Variants in ENTPD5 observed in about 807,000 individuals in gnomAD.
ENTPD5 encodes the protein nucleoside diphosphate phosphatase ENTPD5.
In ENTPD5, 49 loss-of-function variants were observed where a neutral mutation model predicts 60.2. The observed-to-expected ratio is 0.81, with a 90% confidence interval of 0.65 to 1.03. The LOEUF (loss-of-function observed/expected upper bound fraction) is 1.03, where lower values mean the gene tolerates loss of function less well. Among genes scored for constraint, ENTPD5 ranks in the 50% least tolerant of loss-of-function variants. The pLI, the probability that ENTPD5 is intolerant of heterozygous loss-of-function variation, is 0.00. For synonymous variants in ENTPD5, 187 were observed against 185.4 expected, an observed-to-expected ratio of 1.01 and a Z score of -0.07; for missense variants, 480 against 507.6, an observed-to-expected ratio of 0.95 and a Z score of 0.52.
intron 5 of ENTPD5, among the ~76,000 whole-genome samples, chr14:73,983,623 CAAAAA>C (rs368194848): frequency 1.9e-5 from 2 of 104,452 alleles, no homozygotes; most frequent in Non-Finnish European, 2.1e-5. Flanking sequence ...CACTCCATCT[CAAAAA>C]AAAAAAAAAA....
chr14:73,970,972 GA>G (rs2057198575), intron 14 of ENTPD5, among the ~76,000 whole-genome samples: 2 of 151,514 alleles, frequency 1.3e-5, no homozygotes, highest in South Asian at 4.2e-4. Flanking sequence ...ACTACAGGTC[GA>G]ACCACTGTGC....
At chr14:73,999,492 C>A (rs1474982964) in intron 3 of ENTPD5, among the ~76,000 whole-genome samples, 2 of 147,860 alleles carry the variant, frequency 1.4e-5, no homozygotes, top group East Asian at 2.0e-4. Flanking sequence ...TGCCCCCCAC[C>A]CCCCCAAAAA....
intron 6 of ENTPD5, among the ~76,000 whole-genome samples, chr14:73,980,062 T>A (rs1316877961): frequency 1.3e-5 from 2 of 150,918 alleles, no homozygotes; most frequent in Non-Finnish European, 2.9e-5. Flanking sequence ...TTCTCCTGCC[T>A]CAGCCTCCCC....
At chr14:73,958,263 C>G, downstream of ENTPD5, 4 of 1,614,030 alleles carry the variant, frequency 2.5e-6, no homozygotes, top group Non-Finnish European at 3.4e-6. Flanking sequence ...CAGCACCTTC[C>G]AGACCAAATT....
Position 73,988,022 on chromosome 14 carries a change from C to G in ENTPD5, c.81G>C (p.Gln27His). ...VCSAVSHRNQ[Q>H]TWFEGIFLSS... ...ACAGGAAGATACCCTCAAACCAAGT[C>G]TGCTGGTTCCTGTGGGAGACAGCGC... Residue 27 changes from glutamine (Q) to histidine (H), a missense_variant, in exon 4 of 16, where the codon CAG (glutamine) becomes CAC (histidine). By Grantham distance (24) the Gln-to-His change is conservative. Coordinates refer to ENST00000334696, the MANE Select transcript of ENTPD5 (RefSeq NM_001249.5). The G allele has an allele frequency of 6.2e-7, 1 of 1,614,152 alleles. No homozygotes were observed. The highest frequency in any genetic ancestry group is 8.5e-7 in the Non-Finnish European group (1 of 1,180,034).
At chr14:74,009,491 A>G in intron 3 of ENTPD5, among the ~76,000 whole-genome samples, 1 of 152,254 alleles carries the variant, frequency 6.6e-6, no homozygotes, top group East Asian at 1.9e-4. Context: ...TAAAAATATT[A>G]CAATGATAGT....
downstream of ENTPD5, chr14:73,958,166 C>G (rs183909165): frequency 1.2e-6 from 2 of 1,614,044 alleles, no homozygotes; most frequent in Non-Finnish European, 1.7e-6. Context: ...CGGTTCTCTA[C>G]AGGAGCAAAG....
At chr14:73,975,894 C>A in intron 10 of ENTPD5, 42 bp downstream of exon 10, 1 of 1,455,724 alleles carries the variant, frequency 6.9e-7, no homozygotes, top group South Asian at 1.2e-5. Context: ...TTAGGAGAAT[C>A]ATACAACATG....
chr14:73,973,957 C>T lies in ENTPD5; in HGVS notation c.806G>A (p.Arg269Gln), dbSNP rs765491001. Residue 269 changes from arginine to glutamine, a missense_variant, in exon 12 of 16, where the codon CGG becomes CAG. Coordinates refer to ENST00000334696, the MANE Select transcript of ENTPD5 (RefSeq NM_001249.5). ...CAACCATCTCGGTAAACAGGCACTC[C>T]GGAAAGTGTGCCCATCAGTCCCTGA... ...ETEGTDGHTF[R>Q]SACLPRWLEA... is the part of the protein sequence containing the mutation. 5.0e-6 allele frequency: 8 copies of T among 1,613,964 alleles called. No homozygotes were observed. The highest frequency in any genetic ancestry group is 2.2e-5 in the East Asian group (1 of 44,882).
downstream of ENTPD5, chr14:73,962,816 C>T: frequency 1.5e-6 from 1 of 660,840 alleles, no homozygotes; most frequent in South Asian, 1.9e-5. Context: ...GACCCTGTCT[C>T]TAAAACGTGT....
intron 1 of ENTPD5, among the ~76,000 whole-genome samples, chr14:74,017,422 A>G (rs2059055443): frequency 6.7e-6 from 1 of 148,160 alleles, no homozygotes; most frequent in Non-Finnish European, 1.5e-5. Context: ...TCTACTAAAA[A>G]TACAAAATTA....
chr14:73,959,974 G>A (rs2056636341), downstream of ENTPD5: 14 of 1,043,976 alleles, frequency 1.3e-5, no homozygotes, highest in South Asian at 2.1e-4. Context: ...GTGTACACAC[G>A]GAAATGCAAA....
chr14:73,975,804 TTGATAG>T, intron 10 of ENTPD5, 126 bp downstream of exon 10: 2 of 684,622 alleles, frequency 2.9e-6, no homozygotes, highest in Non-Finnish European at 4.8e-6. Flanking sequence ...CGGGTTTCAG[TTGATAG>T]GCCTTAGGGA....
Position 73,976,176 on chromosome 14 carries a change from T to A in ENTPD5, c.642+148A>T. The stretch of plus-strand genomic sequence containing the variant: ...AACGAAGGGATTCTGAACAGTGAGA[T>A]GGCAAGGGAACATTCACCTAGTTAT... On this transcript the variant is annotated intron_variant, in intron 9 of 15. Transcript: ENST00000334696. The A allele has an allele frequency of 3.7e-6, 3 of 813,412 alleles. No homozygotes were observed. The South Asian group carries it at 4.8e-5, about 13-fold the overall frequency. 50.4% of individuals were successfully genotyped at this position (813,412 alleles called of 1,614,324 possible).
At position 73,976,033 on chromosome 14, in the gene ENTPD5, C is replaced by A. The variant is rs1566719790; in HGVS notation, c.643-18G>T. The A allele has an allele frequency of 1.3e-6, 2 of 1,596,292 alleles. No individual in the cohort carries two copies. Among genetic ancestry groups the A allele is most frequent in the Admixed American group, 1.7e-5 (1 of 58,914 alleles). On this transcript the variant is annotated intron_variant, in intron 9 of 15. Transcript: ENST00000334696. The stretch of plus-strand genomic sequence containing the variant: ...AGAGTTTTCTGCAAATCAGAAAAAG[C>A]AAAAAGACTATTCAGGATCTGTAAT...
chr14:74,006,307 G>A lies in ENTPD5; in HGVS notation c.-71+4784C>T, dbSNP rs548085569. Among the ~76,000 whole-genome samples, 29 of 136,036 alleles carry A rather than the reference G, an allele frequency of 2.1e-4. No individual in the cohort carries two copies. In the East Asian group the frequency reaches 4.7e-3, roughly 22 times the overall value. The allele number at this position is 136,036 out of a possible 152,430, so 89.2% of individuals were successfully genotyped here. A position where few individuals can be genotyped will look rare whatever the true frequency, so the allele number is the denominator to read the frequency against. ...GCCTTTTTTTTTTTTTTTTTGAGAC[G>A]GAGTCTCGCTCTGCTGCCCAGGCAG... On this transcript the variant is annotated intron_variant, in intron 3 of 15. Coordinates refer to ENST00000334696, the MANE Select transcript of ENTPD5 (RefSeq NM_001249.5).
In ENTPD5 at chr14:73,965,140, CAGAAATTTGCCT is replaced by C. The variant is rs1417252199; in HGVS notation, c.*1776_*1787del. 6 of 152,148 alleles carry C rather than the reference CAGAAATTTGCCT, an allele frequency of 3.9e-5. No homozygotes were observed. Among genetic ancestry groups the C allele is most frequent in the Non-Finnish European group, 8.8e-5 (6 of 68,018 alleles). 9.4% of individuals were successfully genotyped at this position (152,148 alleles called of 1,614,324 possible). On this transcript the variant is annotated 3_prime_UTR_variant, in exon 16 of 16. Coordinates refer to ENST00000334696, the MANE Select transcript of ENTPD5 (RefSeq NM_001249.5). ...GACAAGAATTTTAGGGACAAGGATA[CAGAAATTTGCCT>C]AGTAACTTGCACACAGCAGATGGTA...
chr14:74,017,211 G>A (rs532270999), intron 1 of ENTPD5, among the ~76,000 whole-genome samples: 3 of 152,268 alleles, frequency 2.0e-5, no homozygotes, highest in Admixed American at 6.5e-5. Context: ...CCAGCTACTC[G>A]GGAGGCTGAG....
At chr14:73,983,623 CAAAAAAA>C (rs368194848) in intron 5 of ENTPD5, among the ~76,000 whole-genome samples, 1 of 104,460 alleles carries the variant, frequency 9.6e-6, no homozygotes, top group Non-Finnish European at 2.1e-5. Flanking sequence ...CACTCCATCT[CAAAAAAA>C]AAAAAAAAAG....
Sources: gnomAD v4.1 joint callset for allele counts (sites outside exome capture counted in the v4.1 genomes callset) on GRCh38, gnomAD v4.1.1 for gene constraint, MANE v1.5 for transcripts, NCBI Gene and HGNC (gene_info 2026-07-23, HGNC 2026-07-21) for gene names.